The following ZDHHC13 variants were observed in gnomAD, a reference collection of about 807,000 sequenced individuals.
ZDHHC13 encodes palmitoyltransferase ZDHHC13.
ZDHHC13 carries 85 observed loss-of-function variants against 86.0 expected under a neutral mutation model. The observed-to-expected ratio is 0.99, with a 90% CI of 0.83 to 1.18. The LOEUF (loss-of-function observed/expected upper bound fraction) is 1.18, where lower values mean the gene tolerates loss of function less well. ZDHHC13 is among the 50% of genes most tolerant of loss of function. The probability of loss-of-function intolerance (pLI) is 0.00; values close to 1 mark genes in which losing one functional copy is unlikely to be tolerated. For synonymous variants in ZDHHC13, 263 were observed against 246.4 expected, an observed-to-expected ratio of 1.07 and a Z score of -0.63; for missense variants, 711 against 730.2, an observed-to-expected ratio of 0.97 and a Z score of 0.30.
chr11:19,134,527 A>G (rs1273274467), intron 1 of ZDHHC13, among the ~76,000 whole-genome samples: 3 of 152,222 alleles, frequency 2.0e-5, no homozygotes, highest in African/African-American at 7.2e-5. Context: ...CTATGCAGCC[A>G]TAAAAAAGAA....
At chr11:19,173,561 T>C (rs1850281667) in intron 16 of ZDHHC13, among the ~76,000 whole-genome samples, 1 of 152,156 alleles carries the variant, frequency 6.6e-6, no homozygotes, top group African/African-American at 2.4e-5. Context: ...AAGATGAAAC[T>C]GTTAGGCTGT....
intron 1 of ZDHHC13, among the ~76,000 whole-genome samples, chr11:19,119,782 A>C (rs1363612316): frequency 6.6e-6 from 1 of 152,220 alleles, no homozygotes; most frequent in Non-Finnish European, 1.5e-5. Context: ...TGTGCCTGGC[A>C]TCTGGAACAA....
At chr11:19,161,057 A>G (rs1239398248) in intron 10 of ZDHHC13, among the ~76,000 whole-genome samples, 8 of 151,920 alleles carry the variant, frequency 5.3e-5, no homozygotes, top group Non-Finnish European at 1.2e-4. Context: ...GGCATACTTC[A>G]CCATCAGAAT....
At chr11:19,168,045 C>T (rs1850121242) in intron 14 of ZDHHC13, 1 of 152,182 alleles carries the variant, frequency 6.6e-6, no homozygotes, top group Non-Finnish European at 1.5e-5. Context: ...AAGCTCCAGG[C>T]CTCAAGTGAT....
intron 1 of ZDHHC13, among the ~76,000 whole-genome samples, chr11:19,140,970 A>G (rs940888758): frequency 2.6e-5 from 4 of 151,250 alleles, no homozygotes; most frequent in African/African-American, 4.9e-5. Context: ...AATGTAGATG[A>G]TGAGTTAGTG....
In ZDHHC13 at chr11:19,176,077, T is replaced by G; in HGVS notation, c.*117T>G. On this transcript the variant is annotated 3_prime_UTR_variant, in exon 17 of 17. Coordinates refer to ENST00000446113, the MANE Select transcript of ZDHHC13 (RefSeq NM_019028.3). ...TAAGTCCAAAGGAAAACACGTGGTT[T>G]TTAAAGCCATTAGGTAAAAAAAGTT... 8.3e-7 allele frequency: 1 copy of G among 1,202,318 alleles called. No individual in the cohort carries two copies. The highest frequency in any genetic ancestry group is 2.3e-4 in the Middle Eastern group (1 of 4,336). The allele number at this position is 1,202,318 out of a possible 1,614,324, so 74.5% of individuals were successfully genotyped here. A position where few individuals can be genotyped will look rare whatever the true frequency, so the allele number is the denominator to read the frequency against.
chr11:19,164,657 T>C, intron 12 of ZDHHC13: 1 of 440,994 alleles, frequency 2.3e-6, no homozygotes, highest in South Asian at 3.1e-5. Flanking sequence ...CAGAGGCTCA[T>C]AATGACCTTA....
chr11:19,134,408 G>GTA (rs143091378), intron 1 of ZDHHC13, among the ~76,000 whole-genome samples: 3,426 of 152,190 alleles, frequency 0.023, 100 homozygotes, highest in East Asian at 0.13. Flanking sequence ...ACATGTACAC[G>GTA]TATGTTTATT....
At chr11:19,156,267 T>G (rs563244660) in intron 9 of ZDHHC13, among the ~76,000 whole-genome samples, 145 of 152,370 alleles carry the variant, frequency 9.5e-4, no homozygotes, top group African/African-American at 3.2e-3. Context: ...GCATTTTTGC[T>G]CATTTTTCAG....
Position 19,152,633 on chromosome 11 carries a change from A to T in ZDHHC13, c.822A>T (p.Lys274Asn). ...LIIHMLKTEA[K>N]MRANQKFRLW... Reference sequence around the variant, plus strand: ...TTCATATGCTAAAAACAGAAGCCAAAATGAGAGCCAACCAAAAGTTCAGAC... The same window carrying T: ...TTCATATGCTAAAAACAGAAGCCAATATGAGAGCCAACCAAAAGTTCAGAC... The change falls in exon 8 of 17, where the codon AAA (lysine) becomes AAT (asparagine). Residue 274 changes from lysine to asparagine, a missense_variant. By Grantham distance (94) the Lys-to-Asn change is moderately conservative. Transcript: ENST00000446113. The T allele has an allele frequency of 6.2e-7, 1 of 1,613,414 alleles. No individual in the cohort carries two copies.
intron 15 of ZDHHC13, among the ~76,000 whole-genome samples, chr11:19,171,657 A>G (rs1014904582): frequency 2.0e-5 from 3 of 152,224 alleles, no homozygotes; most frequent in African/African-American, 4.8e-5. Context: ...CCTAGTATTT[A>G]TAATGCTTTG....
chr11:19,134,567 T>C (rs1026427361), intron 1 of ZDHHC13, among the ~76,000 whole-genome samples: 8 of 152,174 alleles, frequency 5.3e-5, no homozygotes, highest in Admixed American at 1.3e-4. Context: ...GGGACATGGA[T>C]GAAGCTGGAA....
At position 19,142,891 on chromosome 11, in the gene ZDHHC13, T is replaced by TA. The variant is rs751188242; in HGVS notation, c.28-86dup. 5.4e-5 allele frequency: 72 copies of TA among 1,345,004 alleles called. 1 individual carries two copies. In the East Asian group the frequency reaches 5.8e-4, roughly 11 times the overall value. 83.3% of individuals were successfully genotyped at this position (1,345,004 alleles called of 1,614,324 possible). A position where few individuals can be genotyped will look rare whatever the true frequency, so the allele number is the denominator to read the frequency against. The stretch of plus-strand genomic sequence containing the variant: ...AAAAAATGTAATTTATTAATATAGA[T>TA]ATTGTTGATAGTAGCAAATGCTTCA... On this transcript the variant is annotated intron_variant, in intron 1 of 16. Transcript: ENST00000446113.
intron 1 of ZDHHC13, among the ~76,000 whole-genome samples, chr11:19,126,273 C>T (rs1018300512): frequency 6.6e-6 from 1 of 151,880 alleles, no homozygotes; most frequent in Non-Finnish European, 1.5e-5. Context: ...CCTCTCTCTC[C>T]TCCCACCCTC....
intron 10 of ZDHHC13, among the ~76,000 whole-genome samples, chr11:19,161,692 T>C (rs531672630): frequency 6.7e-6 from 1 of 150,218 alleles, no homozygotes; most frequent in Admixed American, 6.6e-5. Context: ...ATTTGTGATA[T>C]TGGCTGTAAC....
In ZDHHC13 at chr11:19,126,477, T is replaced by C. The variant is rs116465779; in HGVS notation, c.27+9201T>C. Among the ~76,000 whole-genome samples the C allele has an allele frequency of 6.5e-3, 966 of 149,588 alleles. 11 individuals are homozygous for C. The highest frequency in any genetic ancestry group is 0.022 in the African/African-American group (913 of 40,588). Reference sequence around the variant, plus strand: ...TCAGCTTCCCAAGTAACTGGAACTATAGGCACATACCACCACCCTGGCTAA... The same window carrying C: ...TCAGCTTCCCAAGTAACTGGAACTACAGGCACATACCACCACCCTGGCTAA... On this transcript the variant is annotated intron_variant, in intron 1 of 16. Coordinates refer to ENST00000446113, the MANE Select transcript of ZDHHC13 (RefSeq NM_019028.3).
At chr11:19,131,056 T>C (rs919002099) in intron 1 of ZDHHC13, among the ~76,000 whole-genome samples, 2 of 151,856 alleles carry the variant, frequency 1.3e-5, no homozygotes, top group Non-Finnish European at 2.9e-5. Flanking sequence ...TCTCGCTTTC[T>C]CACCCAGGCT....
At chr11:19,117,128 C>A (rs1442199094), upstream of ZDHHC13, 9 of 1,083,870 alleles carry the variant, frequency 8.3e-6, no homozygotes, top group East Asian at 1.9e-4. This position sits in a 1 kb window ranked among gnomAD's most constrained non-coding sequence, Gnocchi z 4.2. Context: ...GAGCGGGGAC[C>A]GCAGCGGCGG....
chr11:19,160,859 G>T (rs776798589), intron 10 of ZDHHC13, among the ~76,000 whole-genome samples: 48 of 151,644 alleles, frequency 3.2e-4, no homozygotes, highest in Non-Finnish European at 6.0e-4. Flanking sequence ...TTCGTTAGTG[G>T]GTCGTGGAAG....
Sources: gnomAD v4.1 joint callset for allele counts (sites outside exome capture counted in the v4.1 genomes callset) on GRCh38, gnomAD v4.1.1 for gene constraint, Gnocchi (gnomAD v3.1) non-coding constraint, MANE v1.5 for transcripts, NCBI Gene and HGNC (gene_info 2026-07-23, HGNC 2026-07-21) for gene names.